The following COL25A1 variants were observed in gnomAD, a reference collection of about 807,000 sequenced individuals.
COL25A1 encodes the protein collagen alpha-1(XXV) chain.
COL25A1 carries 103 observed loss-of-function variants against 128.4 expected under a neutral mutation model. That is an observed-to-expected ratio of 0.80 (90% CI 0.68 to 0.94). The LOEUF is 0.94. Ranked by LOEUF, COL25A1 falls within the 40% of genes least tolerant of loss-of-function variation. The pLI, the probability that COL25A1 is intolerant of heterozygous loss-of-function variation, is 0.00. For missense variants in COL25A1, 745 were observed against 840.0 expected, an observed-to-expected ratio of 0.89 and a Z score of 1.40; for synonymous variants, 279 against 277.2, an observed-to-expected ratio of 1.01 and a Z score of -0.06.
intron 3 of COL25A1, among the ~76,000 whole-genome samples, chr4:109,148,365 AG>A (rs1339291000): frequency 1.3e-5 from 2 of 152,228 alleles, no homozygotes; most frequent in Non-Finnish European, 2.9e-5. Flanking sequence ...ATGAATTCCA[AG>A]GGTTACCTAA....
chr4:109,262,842 C>A (rs1305000628), intron 3 of COL25A1, among the ~76,000 whole-genome samples: 1 of 151,836 alleles, frequency 6.6e-6, no homozygotes, highest in African/African-American at 2.4e-5. Flanking sequence ...CTATCAAAAC[C>A]TTTCAGGCCG....
chr4:108,955,276 T>C (rs1749940190), intron 8 of COL25A1, among the ~76,000 whole-genome samples: 1 of 152,092 alleles, frequency 6.6e-6, no homozygotes, highest in Non-Finnish European at 1.5e-5. Flanking sequence ...TATAAAGAGT[T>C]GAGATTAAGC....
chr4:108,942,154 C>T, intron 8 of COL25A1: 3 of 1,521,852 alleles, frequency 2.0e-6, no homozygotes, highest in Non-Finnish European at 2.7e-6. Context: ...GGTTCCTGCT[C>T]ACGCTTATGC....
intron 13 of COL25A1, among the ~76,000 whole-genome samples, chr4:108,909,762 G>T (rs1009806438): frequency 4.6e-5 from 7 of 152,158 alleles, no homozygotes; most frequent in Non-Finnish European, 8.8e-5. Context: ...AAATCTGAAG[G>T]TCTAAGCAGG....
chr4:109,007,851 G>T (rs76834460), intron 6 of COL25A1, among the ~76,000 whole-genome samples: 14 of 152,206 alleles, frequency 9.2e-5, no homozygotes, highest in African/African-American at 2.9e-4. Context: ...ATCATCCACG[G>T]TTCTCCTGGT....
At chr4:109,148,525 C>A (rs949545741) in intron 3 of COL25A1, among the ~76,000 whole-genome samples, 2 of 152,178 alleles carry the variant, frequency 1.3e-5, no homozygotes, top group African/African-American at 4.8e-5. Flanking sequence ...TCCGTCACCA[C>A]GTTTAGTCTC....
rs566313593 is a variant in COL25A1, at chr4:109,017,011, G to A, written c.421-6636C>T. Among the ~76,000 whole-genome samples, 166 of 152,296 alleles carry A rather than the reference G, an allele frequency of 1.1e-3. 1 individual carries two copies. The highest frequency in any genetic ancestry group is 3.8e-3 in the African/African-American group (156 of 41,576). ...AAAAAGAAGAGCTGTGGCCCTTCAG[G>A]GAGCCCAGACCTAGGGACTCCCTGA... On this transcript the variant is annotated intron_variant, in intron 5 of 37. Coordinates refer to ENST00000399132, the MANE Select transcript of COL25A1 (RefSeq NM_198721.4).
At chr4:109,044,310 AG>A (rs1204730387) in intron 5 of COL25A1, among the ~76,000 whole-genome samples, 1 of 152,170 alleles carries the variant, frequency 6.6e-6, no homozygotes, top group Admixed American at 6.6e-5. Context: ...ACATAATTCT[AG>A]TGGAATATAT....
chr4:109,147,926 A>AC (rs1315552969), intron 3 of COL25A1, among the ~76,000 whole-genome samples: 2 of 152,130 alleles, frequency 1.3e-5, no homozygotes, highest in Admixed American at 6.6e-5. Context: ...TTGAGAGAAT[A>AC]AATTGTTTTT....
At chr4:108,925,369 C>G (rs1210641656) in intron 11 of COL25A1, among the ~76,000 whole-genome samples, 3 of 151,874 alleles carry the variant, frequency 2.0e-5, no homozygotes, top group African/African-American at 4.8e-5. Context: ...GCGGGGCGGT[C>G]ATTTAGTGAA....
At chr4:109,194,759 C>T (rs1242276121) in intron 3 of COL25A1, among the ~76,000 whole-genome samples, 6 of 152,022 alleles carry the variant, frequency 3.9e-5, no homozygotes, top group Admixed American at 1.3e-4. Context: ...AGTATCCATG[C>T]GCTTTATACC....
At chr4:109,224,916 G>A (rs920217671) in intron 3 of COL25A1, among the ~76,000 whole-genome samples, 2 of 152,118 alleles carry the variant, frequency 1.3e-5, no homozygotes, top group Non-Finnish European at 2.9e-5. Context: ...CGCCAGCCTG[G>A]GCAACAAGAG....
At chr4:109,198,110 TA>T (rs1231593355) in intron 3 of COL25A1, among the ~76,000 whole-genome samples, 2 of 152,116 alleles carry the variant, frequency 1.3e-5, no homozygotes, top group Non-Finnish European at 2.9e-5. Context: ...CTTTTTTCAT[TA>T]TATCTTACCC....
intron 18 of COL25A1, among the ~76,000 whole-genome samples, chr4:108,885,201 T>C (rs757341118): frequency 1.9e-4 from 29 of 152,164 alleles, no homozygotes; most frequent in Non-Finnish European, 3.5e-4. Flanking sequence ...AGCATTTCCT[T>C]TCATCTAAAT....
intron 3 of COL25A1, among the ~76,000 whole-genome samples, chr4:109,247,587 T>A (rs918858753): frequency 6.6e-6 from 1 of 151,996 alleles, no homozygotes; most frequent in African/African-American, 2.4e-5. Context: ...AATGTTAGAA[T>A]CATAGGAAAG....
intron 3 of COL25A1, among the ~76,000 whole-genome samples, chr4:109,144,428 T>C (rs113384104): frequency 0.011 from 1,686 of 152,338 alleles, 17 homozygotes; most frequent in Non-Finnish European, 0.017. Flanking sequence ...AGCACTGTGC[T>C]GGGAGATCTG....
chr4:108,964,584 G>A (rs1327397901), intron 8 of COL25A1, among the ~76,000 whole-genome samples: 2 of 151,804 alleles, frequency 1.3e-5, no homozygotes, highest in Non-Finnish European at 2.9e-5. Flanking sequence ...CATATTTGAT[G>A]AGCCCAGCCA....
chr4:108,927,350 A>G (rs1746189557), intron 11 of COL25A1, among the ~76,000 whole-genome samples: 1 of 152,210 alleles, frequency 6.6e-6, no homozygotes, highest in African/African-American at 2.4e-5. Flanking sequence ...CAGCACCTAG[A>G]TTAGTGCCTA....
chr4:108,977,033 T>C (rs865858204), intron 6 of COL25A1, among the ~76,000 whole-genome samples: 16 of 152,328 alleles, frequency 1.1e-4, no homozygotes, highest in South Asian at 1.0e-3. Flanking sequence ...TAACCCAGTA[T>C]GTGTGACTTT....
Sources: allele counts gnomAD v4.1 joint callset (sites outside exome capture counted in the v4.1 genomes callset), GRCh38; gene constraint gnomAD v4.1.1; transcripts MANE v1.5; gene names NCBI Gene and HGNC (gene_info 2026-07-23, HGNC 2026-07-21).